The following SEC23B variants were observed in gnomAD, a reference collection of about 807,000 sequenced individuals.
SEC23B encodes SEC23 homolog B, COPII component.
A neutral mutation model predicts 104.3 loss-of-function variants in SEC23B; 77 were observed. The ratio of observed to expected loss-of-function variants is 0.74; its 90% CI spans 0.61 to 0.89. The LOEUF is 0.89. Ranked by LOEUF, SEC23B falls within the 40% of genes least tolerant of loss-of-function variation. The pLI, the probability that SEC23B is intolerant of heterozygous loss-of-function variation, is 0.00. For missense variants in SEC23B, 885 were observed against 949.4 expected (o/e 0.93, Z 0.89); for synonymous variants, 338 against 332.5 (o/e 1.02, Z -0.18).
intron 12 of SEC23B, among the ~76,000 whole-genome samples, chr20:18,537,762 A>T (rs188236441): frequency 2.6e-5 from 4 of 152,156 alleles, no homozygotes; most frequent in African/African-American, 9.6e-5. Flanking sequence ...ATAAATAAAT[A>T]AAAAAACCTG....
chr20:18,530,675 C>T lies in SEC23B; in HGVS notation c.1110-5C>T. 1.9e-6 allele frequency: 3 copies of T among 1,611,520 alleles called. No homozygotes were observed. The highest frequency in any genetic ancestry group is 2.2e-5 in the East Asian group (1 of 44,818). Reference sequence around the variant, plus strand: ...TATTCACTTGATTTTTTTCTTCTTACCTAGAGGCTACATGGTAATGGGAGA... The same window carrying T: ...TATTCACTTGATTTTTTTCTTCTTATCTAGAGGCTACATGGTAATGGGAGA... On this transcript the variant is annotated splice_polypyrimidine_tract_variant and splice_region_variant and intron_variant, in intron 9 of 19. Coordinates refer to ENST00000650089, the MANE Select transcript of SEC23B (RefSeq NM_006363.6).
chr20:18,538,968 GATTGA>G, intron 12 of SEC23B, among the ~76,000 whole-genome samples: 1 of 151,890 alleles, frequency 6.6e-6, no homozygotes, highest in East Asian at 1.9e-4. Context: ...CATTTTGGGA[GATTGA>G]GGCAGGTGGA....
chr20:18,517,213 C>T (rs551162770), intron 4 of SEC23B, among the ~76,000 whole-genome samples: 7 of 152,112 alleles, frequency 4.6e-5, no homozygotes, highest in East Asian at 3.9e-4. Context: ...AGGCTGAGTC[C>T]GAAAAAGGAG....
chr20:18,542,258 G>A (rs1379847890), intron 12 of SEC23B, 38 bp from the exon 13 acceptor site: 25 of 1,562,946 alleles, frequency 1.6e-5, no homozygotes, highest in Non-Finnish European at 1.9e-5. Flanking sequence ...TTTGAGTTGC[G>A]CCTATAACAG....
rs2060486323 is a variant in SEC23B, at chr20:18,560,804, G to C, written c.*64G>C. ...GTGTTCAAAATGTCTAGAAAGGCTT[G>C]ATAACATTCCTGTTACTTTTCTAGC... On this transcript the variant is annotated 3_prime_UTR_variant, in exon 20 of 20. Coordinates refer to ENST00000650089, the MANE Select transcript of SEC23B (RefSeq NM_006363.6). 8.3e-7 allele frequency: 1 copy of C among 1,199,710 alleles called. No homozygotes were observed. The highest frequency in any genetic ancestry group is 1.2e-6 in the Non-Finnish European group (1 of 802,160). The allele number at this position is 1,199,710 out of a possible 1,614,324, so 74.3% of individuals were successfully genotyped here.
In SEC23B at chr20:18,527,124, C is replaced by T. The variant is rs1568607461; in HGVS notation, c.994-372C>T. ...TTCAGCTACTCGGGAGGCTGAGGCA[C>T]GAGAATCCGTTGAACCTGGGAGGCA... On this transcript the variant is annotated intron_variant, in intron 8 of 19. Coordinates refer to ENST00000650089, the MANE Select transcript of SEC23B (RefSeq NM_006363.6). 1.3e-5 allele frequency among the ~76,000 whole-genome samples: 2 copies of T among 151,990 alleles called. 1 individual carries two copies. Among genetic ancestry groups the T allele is most frequent in the African/African-American group, 4.8e-5 (2 of 41,380 alleles).
chr20:18,542,474 T>C, intron 13 of SEC23B, 72 bp downstream of exon 13: 1 of 1,332,448 alleles, frequency 7.5e-7, no homozygotes, highest in Admixed American at 1.7e-5. Flanking sequence ...ACTTTAACAT[T>C]TGTTAGTTTG....
chr20:18,537,201 A>T (rs1026381063), intron 12 of SEC23B, among the ~76,000 whole-genome samples: 8 of 151,376 alleles, frequency 5.3e-5, no homozygotes, highest in Non-Finnish European at 1.5e-5. Context: ...AGGGATCTAG[A>T]ACTAGAAATA....
intron 15 of SEC23B, among the ~76,000 whole-genome samples, chr20:18,546,586 G>A (rs2060334701): frequency 6.6e-6 from 1 of 152,216 alleles, no homozygotes; most frequent in African/African-American, 2.4e-5. Context: ...TTAGGAAATA[G>A]AGCACAATTC....
intron 4 of SEC23B, among the ~76,000 whole-genome samples, chr20:18,516,918 T>TAA (rs532032463): frequency 0.011 from 1,641 of 146,596 alleles, 34 homozygotes; most frequent in African/African-American, 0.039. Flanking sequence ...TTTCTATTTC[T>TAA]AAAAAAAAAA....
intron 14 of SEC23B, among the ~76,000 whole-genome samples, chr20:18,545,339 A>G (rs969359487): frequency 6.6e-6 from 1 of 152,208 alleles, no homozygotes; most frequent in African/African-American, 2.4e-5. Flanking sequence ...TAGCAGCTGA[A>G]GGAGAAAGTT....
chr20:18,541,721 G>A (rs2060289419), intron 12 of SEC23B, among the ~76,000 whole-genome samples: 1 of 152,142 alleles, frequency 6.6e-6, no homozygotes, highest in African/African-American at 2.4e-5. Context: ...TAACATCAAA[G>A]ATCACTGATC....
chr20:18,542,303 C>A lies in SEC23B; in HGVS notation c.1412C>A (p.Thr471Asn), dbSNP rs769524677. The A allele has an allele frequency of 4.3e-6, 7 of 1,613,986 alleles. No homozygotes were observed. The highest frequency in any genetic ancestry group is 1.6e-4 in the Middle Eastern group (1 of 6,084). Residue 471 changes from threonine (T) to asparagine (N), a missense_variant, in exon 13 of 20, where the codon ACC becomes AAC. Thr to Asn is a moderately conservative substitution (Grantham distance 65, BLOSUM62 0). Transcript: ENST00000650089. ...IYFEVVNQHN[T>N]PIPQGGRGAI... is the part of the protein sequence containing the mutation. Reference sequence around the variant, plus strand: ...TGGCCTCTCATCCTACAGCACAACACCCCGATCCCCCAAGGAGGCAGAGGA... The same window carrying A: ...TGGCCTCTCATCCTACAGCACAACAACCCGATCCCCCAAGGAGGCAGAGGA...
chr20:18,550,442 C>G (rs1406937889), intron 16 of SEC23B, among the ~76,000 whole-genome samples: 2 of 152,148 alleles, frequency 1.3e-5, no homozygotes, highest in Non-Finnish European at 2.9e-5. Context: ...CAGGCATGAG[C>G]CACTACGCCC....
intron 15 of SEC23B, among the ~76,000 whole-genome samples, chr20:18,547,557 G>A (rs945813305): frequency 6.6e-6 from 1 of 151,888 alleles, no homozygotes; most frequent in Admixed American, 6.6e-5. Flanking sequence ...GTCATCCCTT[G>A]TCCCTTTCTC....
Position 18,523,397 on chromosome 20 carries a change from C to CTT in SEC23B, c.367-1021_367-1020dup, listed in dbSNP as rs112136906. Among the ~76,000 whole-genome samples the CTT allele has an allele frequency of 7.8e-3, 1,013 of 130,532 alleles. 13 individuals carry two copies. Among genetic ancestry groups the CTT allele is most frequent in the East Asian group, 0.011 (51 of 4,468 alleles). 85.6% of individuals were successfully genotyped at this position (130,532 alleles called of 152,430 possible). ...TTCTCTTTCTTTGTTTCTTTCCTTT[C>CTT]TTTTTTTTTTTTTTTTCTTTTTTTA... On this transcript the variant is annotated intron_variant, in intron 4 of 19. Transcript: ENST00000650089.
intron 9 of SEC23B, among the ~76,000 whole-genome samples, chr20:18,529,876 T>C (rs1413887330): frequency 4.6e-5 from 7 of 152,242 alleles, no homozygotes; most frequent in African/African-American, 1.4e-4. Context: ...TCTTCAAGAT[T>C]CTGAGATCTT....
Position 18,512,280 on chromosome 20 carries a change from C to A in SEC23B, c.277C>A (p.Gln93Lys). Reference sequence around the variant, plus strand: ...CTGTAATTTCTGTTTTCAAAGAAATCAGGTATGTGAATTATTTTTAAAAAA... The same window carrying A: ...CTGTAATTTCTGTTTTCAAAGAAATAAGGTATGTGAATTATTTTTAAAAAA... ...WACNFCFQRN[Q>K]FPPAYGGISE... The change falls in exon 3 of 20, where the codon CAG becomes AAG. Residue 93 changes from glutamine to lysine, a missense_variant and splice_region_variant. By Grantham distance (53) the Gln-to-Lys change is moderately conservative. Transcript: ENST00000650089. 6.4e-7 allele frequency: 1 copy of A among 1,558,586 alleles called. No homozygotes were observed. The highest frequency in any genetic ancestry group is 2.3e-5 in the East Asian group (1 of 44,394).
intron 4 of SEC23B, among the ~76,000 whole-genome samples, chr20:18,521,597 A>G (rs980500966): frequency 6.6e-6 from 1 of 152,124 alleles, no homozygotes; most frequent in Non-Finnish European, 1.5e-5. Context: ...ATGGTAAGCC[A>G]GGCCGGGTGT....
Sources: allele counts gnomAD v4.1 joint callset (sites outside exome capture counted in the v4.1 genomes callset), GRCh38; gene constraint gnomAD v4.1.1; transcripts MANE v1.5; gene names NCBI Gene and HGNC (gene_info 2026-07-23, HGNC 2026-07-21).